EVPLL: variants seen among roughly 807,000 people sequenced by gnomAD.
EVPLL encodes the protein envoplakin-like protein.
In EVPLL, 39 loss-of-function variants were observed where a neutral mutation model predicts 46.2. The ratio of observed to expected loss-of-function variants is 0.84; its 90% CI spans 0.65 to 1.10. EVPLL has a LOEUF of 1.10. Ranked by LOEUF, EVPLL falls within the 50% of genes least tolerant of loss-of-function variation. The pLI is 0.00. For synonymous variants in EVPLL, 156 were observed against 165.8 expected (o/e 0.94, Z 0.46); for missense variants, 385 against 412.6 (o/e 0.93, Z 0.58).
Position 18,381,713 on chromosome 17 carries a change from G to C in EVPLL, c.329G>C (p.Arg110Pro), listed in dbSNP as rs560563801. The change falls in exon 4 of 11, where the codon CGT (arginine) becomes CCT (proline). Residue 110 changes from arginine to proline, a missense_variant. By Grantham distance (103) the Arg-to-Pro change is moderately radical. Coordinates refer to ENST00000399134, the MANE Select transcript of EVPLL (RefSeq NM_001145127.2). The surrounding 1 kb of genome is among the most constrained non-coding windows in gnomAD (Gnocchi z 4.2). ...RRGIQGRLGT[R>P]AGAETEAGLR... Reference sequence around the variant, plus strand: ...GGGATCCAAGGTCGACTGGGCACACGTGCTGGAGCAGAAACAGGTCAGGAG... The same window carrying C: ...GGGATCCAAGGTCGACTGGGCACACCTGCTGGAGCAGAAACAGGTCAGGAG... 82 of 1,614,186 alleles carry C rather than the reference G, an allele frequency of 5.1e-5. 2 individuals carry two copies. In the South Asian group the frequency reaches 8.9e-4, roughly 18 times the overall value.
At chr17:18,379,381 G>A (rs1045564004) in intron 1 of EVPLL, among the ~76,000 whole-genome samples, 12 of 152,244 alleles carry the variant, frequency 7.9e-5, no homozygotes, top group Non-Finnish European at 1.0e-4. Flanking sequence ...CTGGGCCGAC[G>A]GGAAAGACAG....
In EVPLL at chr17:18,383,587, G is replaced by A. The variant is rs779286350; in HGVS notation, c.876G>A (p.Arg292=). The A allele has an allele frequency of 3.9e-5, 59 of 1,509,034 alleles. No individual in the cohort carries two copies. The highest frequency in any genetic ancestry group is 4.9e-5 in the Non-Finnish European group (55 of 1,128,950). The allele number at this position is 1,509,034 out of a possible 1,614,324, so 93.5% of individuals were successfully genotyped here. ...TQLQHVEDYS[R]ILCPSSSPH is the part of the protein sequence containing the mutation. Reference sequence around the variant, plus strand: ...TCCAGCACGTGGAGGACTACAGCCGGGTGAGCCCTCGGGCAGCGGCAGGGC... The same window carrying A: ...TCCAGCACGTGGAGGACTACAGCCGAGTGAGCCCTCGGGCAGCGGCAGGGC... Residue 292 remains arginine, a splice_region_variant and synonymous_variant, in exon 9 of 11, where the codon CGG becomes CGA. Coordinates refer to ENST00000399134, the MANE Select transcript of EVPLL (RefSeq NM_001145127.2).
At chr17:18,380,198 C>T (rs1169998360) in intron 1 of EVPLL, 1 of 152,404 alleles carries the variant, frequency 6.6e-6, no homozygotes, top group Non-Finnish European at 1.5e-5. Flanking sequence ...AGCAGGTGCT[C>T]TATGGAGGCT....
chr17:18,384,864 C>A (rs2151630930), intron 9 of EVPLL, among the ~76,000 whole-genome samples: 1 of 152,256 alleles, frequency 6.6e-6, no homozygotes, highest in East Asian at 1.9e-4. Context: ...GGGTGGTGCT[C>A]CTCCCACTCA....
In EVPLL at chr17:18,381,218, C is replaced by G; in HGVS notation, c.64-149C>G. On this transcript the variant is annotated intron_variant, in intron 2 of 10. Transcript: ENST00000399134. This position sits in a 1 kb window ranked among gnomAD's most constrained non-coding sequence, Gnocchi z 4.2. ...GTGTCTTTGTCACCTGCCTCATGGA[C>G]GCCCTGGGCCTGACCCTGTGCCTGG... The G allele has an allele frequency of 1.5e-6, 2 of 1,335,790 alleles. No homozygotes were observed. Among genetic ancestry groups the G allele is most frequent in the Non-Finnish European group, 2.0e-6 (2 of 999,426 alleles). The allele number at this position is 1,335,790 out of a possible 1,614,324, so 82.7% of individuals were successfully genotyped here.
chr17:18,385,606 G>T (rs1024038319), intron 9 of EVPLL, among the ~76,000 whole-genome samples: 2 of 148,798 alleles, frequency 1.3e-5, no homozygotes, highest in South Asian at 2.2e-4. Flanking sequence ...GCAAAGGCAT[G>T]TGTGTGTGCA....
Position 18,382,012 on chromosome 17 carries a change from C to T in EVPLL, c.346+282C>T, listed in dbSNP as rs143266598. The T allele has an allele frequency of 1.5e-3, 745 of 491,140 alleles. 3 individuals are homozygous for T. The highest frequency in any genetic ancestry group is 3.7e-3 in the Admixed American group (112 of 29,894). 30.4% of individuals were successfully genotyped at this position (491,140 alleles called of 1,614,324 possible). ...AGCAAAGGCACCTGCCAGGAGGAAG[C>T]CTAGGATTCGATGGGAAGTGGGGAT... On this transcript the variant is annotated intron_variant, in intron 4 of 10. Transcript: ENST00000399134.
chr17:18,379,328 C>A (rs546442714), intron 1 of EVPLL, among the ~76,000 whole-genome samples: 1 of 152,344 alleles, frequency 6.6e-6, no homozygotes, highest in Non-Finnish European at 1.5e-5. Context: ...TGCCCATTAC[C>A]CCGATAGGGA....
chr17:18,379,995 C>T (rs1231820731), intron 1 of EVPLL: 2 of 152,280 alleles, frequency 1.3e-5, no homozygotes, highest in African/African-American at 4.8e-5. Context: ...CCACAGAGTT[C>T]TTCCAGACTG....
chr17:18,382,976 C>G, intron 6 of EVPLL, 49 bp from the exon 7 acceptor site: 1 of 1,565,636 alleles, frequency 6.4e-7, no homozygotes, highest in Non-Finnish European at 8.6e-7. Context: ...CTTTTGCCCC[C>G]CACTTTCTCT....
rs1987552100 is a variant in EVPLL at position 18,381,073 on chromosome 17, A to G, written c.63+73A>G. 1.3e-6 allele frequency: 2 copies of G among 1,515,754 alleles called. No homozygotes were observed. The highest frequency in any genetic ancestry group is 2.8e-5 in the African/African-American group (2 of 72,200). The allele number at this position is 1,515,754 out of a possible 1,614,324, so 93.9% of individuals were successfully genotyped here. A position where few individuals can be genotyped will look rare whatever the true frequency, so the allele number is the denominator to read the frequency against. Reference sequence around the variant, plus strand: ...TGGGAGGCCCATCATCAGGCCTGGCACTCCCTGAGTGCCCCCTGGTGATGG... The same window carrying G: ...TGGGAGGCCCATCATCAGGCCTGGCGCTCCCTGAGTGCCCCCTGGTGATGG... On this transcript the variant is annotated intron_variant, in intron 2 of 10. Coordinates refer to ENST00000399134, the MANE Select transcript of EVPLL (RefSeq NM_001145127.2). This position sits in a 1 kb window ranked among gnomAD's most constrained non-coding sequence, Gnocchi z 4.2.
At chr17:18,384,724 C>T (rs583792) in intron 9 of EVPLL, among the ~76,000 whole-genome samples, 91,624 of 151,922 alleles carry the variant, frequency 0.6, 28,298 homozygotes, top group African/African-American at 0.68. Flanking sequence ...AGAGCAAGAC[C>T]CTGTCTGTTA....
At chr17:18,385,135 A>T (rs1987729276) in intron 9 of EVPLL, among the ~76,000 whole-genome samples, 1 of 150,456 alleles carries the variant, frequency 6.6e-6, no homozygotes, top group African/African-American at 2.5e-5. Flanking sequence ...GTAGGTCACC[A>T]TCACCTAACT....
rs930435685 is a variant in EVPLL at position 18,387,376 on chromosome 17, A to G, written c.877-843A>G. Among the ~76,000 whole-genome samples the G allele has an allele frequency of 2.7e-5, 4 of 150,138 alleles. 1 individual carries two copies. Among genetic ancestry groups the G allele is most frequent in the African/African-American group, 9.9e-5 (4 of 40,488 alleles). On this transcript the variant is annotated intron_variant, in intron 9 of 10. Transcript: ENST00000399134. ...GACCGCTTTAATCTGAGCTCCCTTCATTTTTCACCTGGATTACTGTACCAG... is the reference window on the plus strand; with the variant it reads ...GACCGCTTTAATCTGAGCTCCCTTCGTTTTTCACCTGGATTACTGTACCAG...
rs961820529 is a variant in EVPLL at position 18,382,059 on chromosome 17, C to T, written c.346+329C>T. On this transcript the variant is annotated intron_variant, in intron 4 of 10. Coordinates refer to ENST00000399134, the MANE Select transcript of EVPLL (RefSeq NM_001145127.2). ...GGATTTCTGGCCAGGTGGGCAGAGCCAGGACATGGGGCATTCTGATCCCTG... is the reference window on the plus strand; with the variant it reads ...GGATTTCTGGCCAGGTGGGCAGAGCTAGGACATGGGGCATTCTGATCCCTG... The T allele has an allele frequency of 1.4e-5, 6 of 430,738 alleles. No individual in the cohort carries two copies. The Admixed American group carries it at 1.8e-4, about 13-fold the overall frequency. The allele number at this position is 430,738 out of a possible 1,614,324, so 26.7% of individuals were successfully genotyped here.
intron 1 of EVPLL, among the ~76,000 whole-genome samples, chr17:18,379,022 G>A (rs910773958): frequency 1.3e-5 from 2 of 152,242 alleles, no homozygotes; most frequent in Admixed American, 6.5e-5. Context: ...CGAGGCTGCA[G>A]TGAGCCGTGA....
Position 18,381,463 on chromosome 17 carries a change from C to T in EVPLL, c.160C>T (p.Leu54=), listed in dbSNP as rs1226617678. 1 of 1,613,754 alleles carries T rather than the reference C, an allele frequency of 6.2e-7. No homozygotes were observed. Among genetic ancestry groups the T allele is most frequent in the South Asian group, 1.1e-5 (1 of 91,074 alleles). Residue 54 remains leucine (L), a synonymous_variant, in exon 3 of 11, where the codon CTG becomes TTG. Transcript: ENST00000399134. This position sits in a 1 kb window ranked among gnomAD's most constrained non-coding sequence, Gnocchi z 4.2. Reference sequence around the variant, plus strand: ...CGAGGTGCTGCTCAAGGACCTCTTCCTGGACGTGGACAAGGCCCGGCGGCT... The same window carrying T: ...CGAGGTGCTGCTCAAGGACCTCTTCTTGGACGTGGACAAGGCCCGGCGGCT... ...EAEVLLKDLF[L]DVDKARRLKH...
chr17:18,380,482 G>C lies in EVPLL; in HGVS notation c.-36-420G>C, dbSNP rs1987525476. 7 of 181,794 alleles carry C rather than the reference G, an allele frequency of 3.9e-5. No homozygotes were observed. In the South Asian group the frequency reaches 7.5e-4, roughly 20 times the overall value. 11.3% of individuals were successfully genotyped at this position (181,794 alleles called of 1,614,324 possible). On this transcript the variant is annotated intron_variant, in intron 1 of 10. Coordinates refer to ENST00000399134, the MANE Select transcript of EVPLL (RefSeq NM_001145127.2). ...ACACAGGGCTGGAGTGGGAGGAGGT[G>C]GGGGTGGGGGGCATGCTGCTGCCTC...
chr17:18,388,288 G>T lies in EVPLL; in HGVS notation c.*40G>T. 7.0e-7 allele frequency: 1 copy of T among 1,421,574 alleles called. No individual in the cohort carries two copies. 88.1% of individuals were successfully genotyped at this position (1,421,574 alleles called of 1,614,324 possible). A position where few individuals can be genotyped will look rare whatever the true frequency, so the allele number is the denominator to read the frequency against. ...GATTTCTGGTGGAGTAAGGGTAGCA[G>T]GTGAGAAATGAAGTACCAAGAAACT... On this transcript the variant is annotated splice_region_variant and 3_prime_UTR_variant, in exon 10 of 11. Transcript: ENST00000399134.
Sources: allele counts gnomAD v4.1 joint callset (sites outside exome capture counted in the v4.1 genomes callset), GRCh38; gene constraint gnomAD v4.1.1; non-coding constraint Gnocchi (gnomAD v3.1); transcripts MANE v1.5; gene names NCBI Gene and HGNC (gene_info 2026-07-23, HGNC 2026-07-21).